PCLO: variants seen among roughly 807,000 people sequenced by gnomAD.
PCLO encodes the protein protein piccolo.
In PCLO, 82 loss-of-function variants were observed where a neutral mutation model predicts 427.5. The observed-to-expected ratio is 0.19, with a 90% CI of 0.16 to 0.23. PCLO has a LOEUF of 0.23. Ranked by LOEUF, PCLO falls within the 10% of genes least tolerant of loss-of-function variation. PCLO has a pLI of 1.00. For synonymous variants in PCLO, 2,357 were observed against 2,155.4 expected, an observed-to-expected ratio of 1.09 and a Z score of -2.59; for missense variants, 6,239 against 6,115.9, an observed-to-expected ratio of 1.02 and a Z score of -0.67.
At chr7:82,990,691 GC>G (rs1365838764) in intron 3 of PCLO, among the ~76,000 whole-genome samples, 1 of 152,086 alleles carries the variant, frequency 6.6e-6, no homozygotes, top group Non-Finnish European at 1.5e-5. Context: ...TAATGTATGA[GC>G]TGTTTGCATA....
intron 6 of PCLO, among the ~76,000 whole-genome samples, chr7:82,945,925 T>A (rs1046556496): frequency 3.9e-5 from 6 of 152,174 alleles, no homozygotes; most frequent in African/African-American, 1.4e-4. Flanking sequence ...AGGAAATGTT[T>A]AATATGTCTC....
At chr7:83,010,312 C>T (rs1583903475) in intron 3 of PCLO, among the ~76,000 whole-genome samples, 1 of 151,896 alleles carries the variant, frequency 6.6e-6, no homozygotes, top group East Asian at 1.9e-4. Context: ...ACTCATCGTA[C>T]CCCAAGCTAA....
At chr7:83,044,426 T>C (rs996543288) in intron 3 of PCLO, among the ~76,000 whole-genome samples, 3 of 152,240 alleles carry the variant, frequency 2.0e-5, no homozygotes, top group Non-Finnish European at 2.9e-5. Flanking sequence ...TAGCTAGCAC[T>C]TTCCACATAG....
chr7:82,808,788 C>T (rs753777727), intron 20 of PCLO, among the ~76,000 whole-genome samples: 15 of 151,772 alleles, frequency 9.9e-5, no homozygotes, highest in African/African-American at 2.7e-4. Context: ...ACAAAACATC[C>T]GGTGCTGGAT....
chr7:82,953,494 G>A lies in PCLO; in HGVS notation c.7459C>T (p.Pro2487Ser). The part of the protein sequence containing the change: ...RICTTAPPPV[P>S]PKPSSIPSGL... ...GATGGAATTGAAGATGGCTTAGGAG[G>A]AACAGGAGGAGGTGCAGTAGTACAT... The change falls in exon 5 of 25, where the codon CCT becomes TCT. Residue 2487 changes from proline (P) to serine (S), a missense_variant. Around this residue, in one of 5 missense-constraint regions of PCLO, gnomAD observed 4,677 missense variants for 4,468.4 expected, o/e 1.05. Transcript: ENST00000333891. 1 of 1,613,556 alleles carries A rather than the reference G, an allele frequency of 6.2e-7. No individual in the cohort carries two copies. Among genetic ancestry groups the A allele is most frequent in the Non-Finnish European group, 8.5e-7 (1 of 1,179,786 alleles).
In PCLO at chr7:82,952,957, C is replaced by T. The variant is rs755771256; in HGVS notation, c.7996G>A (p.Val2666Ile). 7.4e-6 allele frequency: 12 copies of T among 1,613,836 alleles called. No individual in the cohort carries two copies. The South Asian group carries it at 1.3e-4, about 18-fold the overall frequency. Residue 2666 changes from valine (V) to isoleucine (I), a missense_variant, in exon 5 of 25, where the codon GTT (valine) becomes ATT (isoleucine). By Grantham distance (29) the Val-to-Ile change is conservative (BLOSUM62 3). This residue lies in a region of PCLO where 4,677 missense variants were observed against 4,468.4 expected (regional missense o/e 1.05). Coordinates refer to ENST00000333891, the MANE Select transcript of PCLO (RefSeq NM_033026.6). Reference sequence around the variant, plus strand: ...ACTTCAGTAGTGAGAAACTGTGTAACTGATGTGGGAGCTGCTTGAAATGAA... The same window carrying T: ...ACTTCAGTAGTGAGAAACTGTGTAATTGATGTGGGAGCTGCTTGAAATGAA... ...PSSFQAAPTS[V>I]TQFLTTEVSK...
chr7:83,014,532 A>G (rs1373248000), intron 3 of PCLO, among the ~76,000 whole-genome samples: 1 of 152,054 alleles, frequency 6.6e-6, no homozygotes, highest in African/African-American at 2.4e-5. Context: ...AAAGTAATAC[A>G]CCTAAAAAAA....
At chr7:82,928,772 CAA>C (rs1794773969) in intron 6 of PCLO, among the ~76,000 whole-genome samples, 1 of 152,072 alleles carries the variant, frequency 6.6e-6, no homozygotes, top group Non-Finnish European at 1.5e-5. Context: ...GTGGTGGAAA[CAA>C]GATGTAATTG....
At chr7:82,922,603 G>T (rs1794623216) in intron 6 of PCLO, among the ~76,000 whole-genome samples, 2 of 151,938 alleles carry the variant, frequency 1.3e-5, no homozygotes, top group Admixed American at 1.3e-4. Flanking sequence ...AGTGGGAGAA[G>T]AGTGGTGATC....
At chr7:83,000,909 TAG>T (rs1213921589) in intron 3 of PCLO, among the ~76,000 whole-genome samples, 20 of 152,186 alleles carry the variant, frequency 1.3e-4, no homozygotes, top group African/African-American at 4.8e-4. Flanking sequence ...ATTCAATATA[TAG>T]GTTACTGTCA....
At chr7:82,936,677 T>C (rs1383657066) in intron 6 of PCLO, among the ~76,000 whole-genome samples, 1 of 151,664 alleles carries the variant, frequency 6.6e-6, no homozygotes, top group Admixed American at 6.6e-5. Context: ...CCTAGGCATA[T>C]ACCCTTAAAA....
intron 9 of PCLO, among the ~76,000 whole-genome samples, chr7:82,886,645 T>C (rs1235012146): frequency 1.3e-5 from 2 of 152,146 alleles, no homozygotes; most frequent in African/African-American, 4.8e-5. Context: ...AGGTATTCAA[T>C]ACAATTCAAC....
chr7:82,838,069 A>T (rs1344338871), intron 15 of PCLO, 149 bp downstream of exon 15: 1 of 612,074 alleles, frequency 1.6e-6, no homozygotes, highest in African/African-American at 1.9e-5. Flanking sequence ...CACCTTATCT[A>T]CTAATTGGAA....
intron 10 of PCLO, among the ~76,000 whole-genome samples, chr7:82,856,993 T>C (rs1792825180): frequency 6.6e-6 from 1 of 152,138 alleles, no homozygotes; most frequent in African/African-American, 2.4e-5. Flanking sequence ...TCTCTCTGTG[T>C]TGTATGCTTA....
chr7:83,093,926 T>A (rs1389184258), intron 3 of PCLO, among the ~76,000 whole-genome samples: 1 of 151,490 alleles, frequency 6.6e-6, no homozygotes, highest in Non-Finnish European at 1.5e-5. Flanking sequence ...CATGTATCTC[T>A]TACCCATTTC....
intron 2 of PCLO, among the ~76,000 whole-genome samples, chr7:83,140,017 A>C (rs1791823947): frequency 6.6e-6 from 1 of 152,206 alleles, no homozygotes; most frequent in South Asian, 2.1e-4. Flanking sequence ...TTTCCTACAC[A>C]TTGACCAAAT....
Position 82,788,220 on chromosome 7 carries a change from AT to A in PCLO, c.15007+13297del, listed in dbSNP as rs538730997. Among the ~76,000 whole-genome samples the A allele has an allele frequency of 1.1e-4, 16 of 147,534 alleles. No homozygotes were observed. In the South Asian group the frequency reaches 3.1e-3, roughly 29 times the overall value. On this transcript the variant is annotated intron_variant, in intron 22 of 24. Coordinates refer to ENST00000333891, the MANE Select transcript of PCLO (RefSeq NM_033026.6). The stretch of plus-strand genomic sequence containing the variant: ...ATATATATTTAATATATAATTAATA[AT>A]TATATATAATATATAATTTATATAT...
intron 3 of PCLO, among the ~76,000 whole-genome samples, chr7:83,007,711 G>T (rs758314307): frequency 1.3e-5 from 2 of 151,526 alleles, no homozygotes; most frequent in Non-Finnish European, 3.0e-5. Flanking sequence ...GACTGCCTGG[G>T]TTTGGTTATT....
chr7:82,921,618 A>T (rs2116298465), intron 6 of PCLO, among the ~76,000 whole-genome samples: 1 of 152,024 alleles, frequency 6.6e-6, no homozygotes, highest in Non-Finnish European at 1.5e-5. Flanking sequence ...AAACTTAAAT[A>T]TAAAACCTAA....
Sources: allele counts gnomAD v4.1 joint callset (sites outside exome capture counted in the v4.1 genomes callset), GRCh38; gene constraint gnomAD v4.1.1; regional missense constraint gnomAD v4.1.1; transcripts MANE v1.5; gene names NCBI Gene and HGNC (gene_info 2026-07-23, HGNC 2026-07-21).